Variants in MBNL1 observed in about 807,000 individuals in gnomAD.
The protein encoded by MBNL1 is muscleblind-like protein 1.
Under a neutral mutation model 42.2 loss-of-function variants are expected in MBNL1, and 8 were observed. The ratio of observed to expected loss-of-function variants is 0.19; its 90% CI spans 0.11 to 0.34. The LOEUF (loss-of-function observed/expected upper bound fraction) is 0.34. MBNL1 is among the 10% of genes least tolerant of loss of function. MBNL1 has a pLI of 1.00. For missense variants in MBNL1, 309 were observed against 495.3 expected (o/e 0.62, Z 3.57); for synonymous variants, 169 against 173.9 (o/e 0.97, Z 0.22).
intron 2 of MBNL1, among the ~76,000 whole-genome samples, chr3:152,392,453 T>G (rs936189393): frequency 6.6e-6 from 1 of 152,206 alleles, no homozygotes; most frequent in Non-Finnish European, 1.5e-5. Flanking sequence ...ACTCAAAAAA[T>G]GAATGGAATG....
intron 1 of MBNL1, chr3:152,269,368 C>T: frequency 2.8e-6 from 1 of 354,682 alleles, no homozygotes; most frequent in Non-Finnish European, 5.6e-6. Context: ...GGCAGCCCAG[C>T]GGGACCCAGG....
At chr3:152,252,603 A>T (rs2034816115) in intron 2 of MBNL1, among the ~76,000 whole-genome samples, 1 of 152,042 alleles carries the variant, frequency 6.6e-6, no homozygotes, top group South Asian at 2.1e-4. Context: ...ACATCTCTTC[A>T]ATCTACATTT....
intron 2 of MBNL1, among the ~76,000 whole-genome samples, chr3:152,312,584 C>CT (rs1250160403): frequency 6.6e-6 from 1 of 152,148 alleles, no homozygotes; most frequent in Non-Finnish European, 1.5e-5. Context: ...AGAGTTTAGT[C>CT]TAAGTTATCT....
intron 2 of MBNL1, among the ~76,000 whole-genome samples, chr3:152,364,789 C>T (rs1185139425): frequency 6.6e-6 from 1 of 150,936 alleles, no homozygotes; most frequent in African/African-American, 2.4e-5. Context: ...AGAGAGATTT[C>T]AAAAGAATAG....
intron 1 of MBNL1, among the ~76,000 whole-genome samples, chr3:152,276,723 G>A (rs1311067594): frequency 6.6e-6 from 1 of 152,158 alleles, no homozygotes. Context: ...TGAGGTCATT[G>A]ATGACCAGCT....
At chr3:152,272,906 G>A (rs573981304) in intron 1 of MBNL1, among the ~76,000 whole-genome samples, 1 of 152,102 alleles carries the variant, frequency 6.6e-6, no homozygotes, top group African/African-American at 2.4e-5. Flanking sequence ...AAAAAATGTG[G>A]TTCTTTTCTA....
chr3:152,283,170 A>G (rs1293842477), intron 1 of MBNL1, among the ~76,000 whole-genome samples: 2 of 152,216 alleles, frequency 1.3e-5, no homozygotes, highest in African/African-American at 2.4e-5. Flanking sequence ...GAGTTTTTTA[A>G]TTCAATGCAG....
At chr3:152,305,827 T>G (rs1040859596) in intron 2 of MBNL1, among the ~76,000 whole-genome samples, 24 of 152,218 alleles carry the variant, frequency 1.6e-4, no homozygotes, top group Non-Finnish European at 7.3e-5. Flanking sequence ...ACTACAGAGT[T>G]TTTATTTAAT....
At chr3:152,382,044 TA>T (rs2097199111) in intron 2 of MBNL1, among the ~76,000 whole-genome samples, 1 of 152,114 alleles carries the variant, frequency 6.6e-6, no homozygotes, top group Non-Finnish European at 1.5e-5. Flanking sequence ...TAAGTAGGCG[TA>T]ACATACTCTT....
chr3:152,247,154 G>C (rs1166178793), intron 2 of MBNL1, among the ~76,000 whole-genome samples: 1 of 152,086 alleles, frequency 6.6e-6, no homozygotes, highest in Non-Finnish European at 1.5e-5. Flanking sequence ...CTGAAAGAAA[G>C]ATTACAGTTT....
chr3:152,339,622 TA>T, intron 2 of MBNL1: 1 of 152,164 alleles, frequency 6.6e-6, no homozygotes, highest in East Asian at 1.9e-4. Context: ...AATATTAACT[TA>T]ATTCCTTAAA....
At chr3:152,267,052 G>A (rs1032063984), upstream of MBNL1, 4 of 152,304 alleles carry the variant, frequency 2.6e-5, no homozygotes, top group African/African-American at 9.7e-5. Context: ...CAGAAAGGCT[G>A]AGAAGGCTGG....
At chr3:152,428,307 CAT>C (rs1292632363) in intron 3 of MBNL1, among the ~76,000 whole-genome samples, 1 of 152,106 alleles carries the variant, frequency 6.6e-6, no homozygotes, top group Non-Finnish European at 1.5e-5. Context: ...ATGAACAAGA[CAT>C]AAAGCAAAAG....
In MBNL1 at chr3:152,433,871, A is replaced by G. The variant is rs77072742; in HGVS notation, c.549+951A>G. Among the ~76,000 whole-genome samples the G allele has an allele frequency of 3.9e-4, 59 of 152,296 alleles. No individual in the cohort carries two copies. In the East Asian group the frequency reaches 0.011, roughly 29 times the overall value. Reference sequence around the variant, plus strand: ...TATTAAAGTTTTAAATCTTATTTCAAAGTGGTTGTTCAGAATTTCAGCATG... The same window carrying G: ...TATTAAAGTTTTAAATCTTATTTCAGAGTGGTTGTTCAGAATTTCAGCATG... On this transcript the variant is annotated intron_variant, in intron 4 of 9. Transcript: ENST00000324210.
chr3:152,317,659 C>T (rs2072932300), intron 2 of MBNL1, among the ~76,000 whole-genome samples: 1 of 150,622 alleles, frequency 6.6e-6, no homozygotes, highest in Non-Finnish European at 1.5e-5. Context: ...AATAACTCCA[C>T]AGTTATCTCC....
chr3:152,443,717 T>C (rs1209088755), intron 4 of MBNL1, among the ~76,000 whole-genome samples: 1 of 152,192 alleles, frequency 6.6e-6, no homozygotes, highest in East Asian at 1.9e-4. Flanking sequence ...AATACTTTTT[T>C]TCTTATGTTC....
chr3:152,363,895 A>G (rs1282621956), intron 2 of MBNL1, among the ~76,000 whole-genome samples: 1 of 152,130 alleles, frequency 6.6e-6, no homozygotes, highest in South Asian at 2.1e-4. Flanking sequence ...CCATTTGTAT[A>G]TAATAATCCT....
intron 3 of MBNL1, among the ~76,000 whole-genome samples, chr3:152,432,011 C>T (rs1461277310): frequency 6.6e-6 from 1 of 152,208 alleles, no homozygotes; most frequent in African/African-American, 2.4e-5. Flanking sequence ...AATCATGTAG[C>T]ATTTCTTTAG....
chr3:152,375,638 T>C (rs902895899), intron 2 of MBNL1, among the ~76,000 whole-genome samples: 2 of 152,082 alleles, frequency 1.3e-5, no homozygotes, highest in Non-Finnish European at 2.9e-5. Flanking sequence ...CCCCAGGCTA[T>C]TCTTCTCAAT....
Sources: allele counts gnomAD v4.1 joint callset (sites outside exome capture counted in the v4.1 genomes callset), GRCh38; gene constraint gnomAD v4.1.1; transcripts MANE v1.5; gene names NCBI Gene and HGNC (gene_info 2026-07-23, HGNC 2026-07-21).